The following ANKS1B variants were observed in gnomAD, a reference collection of about 807,000 sequenced individuals.
ANKS1B encodes ankyrin repeat and sterile alpha motif domain containing 1B, also known as ankyrin repeat and sterile alpha motif domain-containing protein 1B.
A neutral mutation model predicts 148.3 loss-of-function variants in ANKS1B; 36 were observed. That is an observed-to-expected ratio of 0.24 (90% CI 0.19 to 0.32). The LOEUF is 0.32. ANKS1B is among the 10% of genes least tolerant of loss of function. The pLI, the probability that ANKS1B is intolerant of heterozygous loss-of-function variation, is 1.00. For missense variants in ANKS1B, 1,157 were observed against 1,542.6 expected, an observed-to-expected ratio of 0.75 and a Z score of 4.19; for synonymous variants, 542 against 560.8, an observed-to-expected ratio of 0.97 and a Z score of 0.47.
At chr12:99,453,017 A>G (rs11109846) in intron 10 of ANKS1B, among the ~76,000 whole-genome samples, 27,812 of 152,106 alleles carry the variant, frequency 0.18, 2,750 homozygotes, top group Middle Eastern at 0.24. Flanking sequence ...GAGGCCGGGC[A>G]CAGTGGCTCA....
intron 9 of ANKS1B, among the ~76,000 whole-genome samples, chr12:99,632,043 G>A (rs1231730570): frequency 1.3e-5 from 2 of 152,166 alleles, no homozygotes; most frequent in African/African-American, 4.8e-5. Flanking sequence ...GCTGAGGAGA[G>A]TAGAGTGGTT....
chr12:99,853,128 C>T (rs1601915), intron 1 of ANKS1B, among the ~76,000 whole-genome samples: 16,944 of 152,004 alleles, frequency 0.11, 1,050 homozygotes, highest in African/African-American at 0.15. Flanking sequence ...TGTTTCTCTA[C>T]CCACACTGGT....
At chr12:99,777,743 C>T (rs1223400387) in intron 6 of ANKS1B, among the ~76,000 whole-genome samples, 1 of 151,946 alleles carries the variant, frequency 6.6e-6, no homozygotes, top group Admixed American at 6.5e-5. Context: ...CACCACCGCG[C>T]CCGGCTAAGT....
intron 16 of ANKS1B, among the ~76,000 whole-genome samples, chr12:99,073,338 G>A (rs2046849191): frequency 6.6e-6 from 1 of 152,152 alleles, no homozygotes; most frequent in African/African-American, 2.4e-5. Context: ...CCATAAAAAT[G>A]TCATTTCCCT....
intron 17 of ANKS1B, among the ~76,000 whole-genome samples, chr12:98,836,381 C>A (rs2099363102): frequency 6.6e-6 from 1 of 152,162 alleles, no homozygotes; most frequent in Non-Finnish European, 1.5e-5. Context: ...GGACAGGAAA[C>A]CCTCATCACC....
chr12:99,122,079 G>A (rs917154446), intron 15 of ANKS1B, among the ~76,000 whole-genome samples: 39 of 152,138 alleles, frequency 2.6e-4, no homozygotes, highest in Middle Eastern at 3.2e-3. Flanking sequence ...GGGTTTGAGT[G>A]CCATTTCTAT....
intron 9 of ANKS1B, among the ~76,000 whole-genome samples, chr12:99,597,251 G>GGAGAGAGA (rs3081683): frequency 6.7e-6 from 1 of 149,472 alleles, no homozygotes. Context: ...AATGTCTGAG[G>GGAGAGAGA]GAGAGAGAGA....
intron 1 of ANKS1B, among the ~76,000 whole-genome samples, chr12:99,862,788 T>G (rs1216917837): frequency 6.6e-6 from 1 of 152,168 alleles, no homozygotes; most frequent in Non-Finnish European, 1.5e-5. Flanking sequence ...ACACTTTTAC[T>G]GCGAGCAGTA....
chr12:98,903,481 G>T (rs976790795), intron 17 of ANKS1B, among the ~76,000 whole-genome samples: 1 of 152,162 alleles, frequency 6.6e-6, no homozygotes, highest in African/African-American at 2.4e-5. Context: ...GATGAGCTTG[G>T]TATTACCAGG....
intron 16 of ANKS1B, among the ~76,000 whole-genome samples, chr12:99,074,431 T>C (rs2047197326): frequency 6.6e-6 from 1 of 151,996 alleles, no homozygotes; most frequent in Admixed American, 6.6e-5. Context: ...GAGCAGAGCA[T>C]GGGTAAGTAT....
At chr12:98,890,004 C>T (rs919319067) in intron 17 of ANKS1B, among the ~76,000 whole-genome samples, 2 of 151,954 alleles carry the variant, frequency 1.3e-5, no homozygotes, top group East Asian at 1.9e-4. Flanking sequence ...ATAAGAGCAG[C>T]GAACGAGAGG....
intron 16 of ANKS1B, among the ~76,000 whole-genome samples, chr12:99,075,864 C>T (rs1192119847): frequency 1.4e-5 from 2 of 147,686 alleles, no homozygotes; most frequent in African/African-American, 2.5e-5. Context: ...ATATACTATA[C>T]ATTTGTATTA....
intron 19 of ANKS1B, among the ~76,000 whole-genome samples, chr12:98,816,420 C>A (rs1351482668): frequency 2.0e-5 from 3 of 152,066 alleles, no homozygotes; most frequent in African/African-American, 7.2e-5. Context: ...CTCAGCCTCC[C>A]GAGTAGCTGG....
At chr12:99,125,212 A>G (rs1242100040) in intron 15 of ANKS1B, among the ~76,000 whole-genome samples, 12 of 152,318 alleles carry the variant, frequency 7.9e-5, no homozygotes, top group Admixed American at 3.3e-4. Context: ...GAGGGGCCAC[A>G]TAGTTTAAAT....
intron 25 of ANKS1B, among the ~76,000 whole-genome samples, chr12:98,769,163 T>C (rs1410288461): frequency 6.7e-5 from 9 of 134,590 alleles, no homozygotes; most frequent in Admixed American, 2.4e-4. Flanking sequence ...GGGTCTTCTT[T>C]ACTTTTTTTT....
At chr12:98,752,507 T>A (rs2098121074) in intron 25 of ANKS1B, among the ~76,000 whole-genome samples, 1 of 152,152 alleles carries the variant, frequency 6.6e-6, no homozygotes, top group South Asian at 2.1e-4. Flanking sequence ...TCCACCCGCC[T>A]CAGCCTCCCA....
At chr12:98,815,898 C>A (rs2099135859) in intron 19 of ANKS1B, among the ~76,000 whole-genome samples, 1 of 152,164 alleles carries the variant, frequency 6.6e-6, no homozygotes, top group Non-Finnish European at 1.5e-5. Flanking sequence ...AGTACTACAG[C>A]CAAAATGACC....
intron 1 of ANKS1B, among the ~76,000 whole-genome samples, chr12:99,957,086 T>C (rs148665725): frequency 1.7e-4 from 26 of 152,318 alleles, no homozygotes; most frequent in Non-Finnish European, 3.1e-4. Flanking sequence ...TACGTGAGAC[T>C]TTAACCAAAT....
At chr12:99,359,581 C>A (rs1404035819) in intron 12 of ANKS1B, among the ~76,000 whole-genome samples, 1 of 151,946 alleles carries the variant, frequency 6.6e-6, no homozygotes, top group Non-Finnish European at 1.5e-5. Flanking sequence ...AAAAATGTTC[C>A]TTTAAATGAA....
Sources: gnomAD v4.1 joint callset for allele counts (sites outside exome capture counted in the v4.1 genomes callset) on GRCh38, gnomAD v4.1.1 for gene constraint, MANE v1.5 for transcripts, NCBI Gene and HGNC (gene_info 2026-07-23, HGNC 2026-07-21) for gene names.